ERC2: variants seen among roughly 807,000 people sequenced by gnomAD.
ERC2 encodes the protein ERC protein 2.
ERC2 carries 42 observed loss-of-function variants against 114.8 expected under a neutral mutation model. The observed-to-expected ratio is 0.37, with a 90% confidence interval of 0.29 to 0.47. The LOEUF (loss-of-function observed/expected upper bound fraction) is 0.47. ERC2 is among the 20% of genes least tolerant of loss of function. ERC2 has a pLI of 0.99. For missense variants in ERC2, 939 were observed against 1,150.7 expected, an observed-to-expected ratio of 0.82 and a Z score of 2.66; for synonymous variants, 454 against 425.5, an observed-to-expected ratio of 1.07 and a Z score of -0.82.
At chr3:56,145,082 G>A (rs1044392302) in intron 5 of ERC2, among the ~76,000 whole-genome samples, 12 of 152,096 alleles carry the variant, frequency 7.9e-5, no homozygotes, top group African/African-American at 2.9e-4. Flanking sequence ...CCCCACTTAC[G>A]TCTGTGACAC....
At chr3:55,696,780 C>T (rs1222350744) in intron 16 of ERC2, among the ~76,000 whole-genome samples, 2 of 152,132 alleles carry the variant, frequency 1.3e-5, no homozygotes, top group Admixed American at 1.3e-4. Context: ...ACCTGGGATG[C>T]CCAGTCAAAA....
intron 2 of ERC2, among the ~76,000 whole-genome samples, chr3:56,374,908 C>A (rs959089834): frequency 6.6e-5 from 10 of 152,074 alleles, no homozygotes; most frequent in African/African-American, 2.4e-4. Flanking sequence ...TGAATACTGC[C>A]AGTTTCAATG....
intron 13 of ERC2, among the ~76,000 whole-genome samples, chr3:55,938,720 G>C (rs1472442344): frequency 2.0e-5 from 3 of 152,140 alleles, no homozygotes; most frequent in African/African-American, 7.2e-5. Flanking sequence ...ATAAAAACAA[G>C]TCTGCTGGTA....
At chr3:56,311,512 G>A (rs964221886) in intron 2 of ERC2, among the ~76,000 whole-genome samples, 4 of 151,248 alleles carry the variant, frequency 2.6e-5, no homozygotes, top group African/African-American at 4.9e-5. Context: ...TGTTAGCCAC[G>A]GTGGTCTCAA....
chr3:55,750,411 G>A (rs992768224), intron 14 of ERC2, among the ~76,000 whole-genome samples: 1 of 152,148 alleles, frequency 6.6e-6, no homozygotes, highest in East Asian at 1.9e-4. Context: ...GTTGTCCAAG[G>A]TCCCATTGCT....
chr3:55,740,518 T>C (rs1036139023), intron 14 of ERC2, among the ~76,000 whole-genome samples: 3 of 151,280 alleles, frequency 2.0e-5, no homozygotes, highest in African/African-American at 7.3e-5. Context: ...ATACCTTGAT[T>C]GAGATCTACA....
chr3:56,067,320 C>T (rs753165815), intron 7 of ERC2, among the ~76,000 whole-genome samples: 7 of 151,984 alleles, frequency 4.6e-5, no homozygotes, highest in Non-Finnish European at 7.4e-5. Context: ...GTAGCAATTG[C>T]GAATGGAAGT....
chr3:56,379,130 C>T (rs1449245212), intron 2 of ERC2, among the ~76,000 whole-genome samples: 2 of 152,078 alleles, frequency 1.3e-5, no homozygotes, highest in African/African-American at 2.4e-5. Context: ...ATACTTAAAG[C>T]GGTCAATTCA....
chr3:55,815,784 T>C (rs769348699), intron 14 of ERC2, among the ~76,000 whole-genome samples: 5 of 152,126 alleles, frequency 3.3e-5, no homozygotes, highest in Non-Finnish European at 5.9e-5. Context: ...AAGACTTCAA[T>C]TGGAAAGTTG....
chr3:56,036,532 G>A (rs2074814114), intron 7 of ERC2, among the ~76,000 whole-genome samples: 3 of 152,276 alleles, frequency 2.0e-5, no homozygotes, highest in Non-Finnish European at 2.9e-5. Context: ...CAGGAAGAAC[G>A]AAAACGGCAA....
chr3:56,311,857 G>A (rs866179145), intron 2 of ERC2, among the ~76,000 whole-genome samples: 2 of 135,812 alleles, frequency 1.5e-5, no homozygotes, highest in Non-Finnish European at 1.6e-5. Flanking sequence ...GTGTGTGTGT[G>A]TATAAAATTA....
intron 13 of ERC2, among the ~76,000 whole-genome samples, chr3:55,896,583 A>G (rs1021349925): frequency 6.6e-6 from 1 of 152,238 alleles, no homozygotes; most frequent in African/African-American, 2.4e-5. Flanking sequence ...GTTTTAGAAA[A>G]GGTGTTTAAT....
chr3:56,073,276 C>T (rs2076823484), intron 7 of ERC2, among the ~76,000 whole-genome samples: 1 of 152,132 alleles, frequency 6.6e-6, no homozygotes. Context: ...GATCCTTACA[C>T]AAGAAGGAAA....
Position 56,019,040 on chromosome 3 carries a change from A to T in ERC2, c.1642-9T>A, listed in dbSNP as rs759839479. The T allele has an allele frequency of 8.1e-6, 13 of 1,596,058 alleles. No homozygotes were observed. The highest frequency in any genetic ancestry group is 4.3e-6 in the Non-Finnish European group (5 of 1,170,280). ...TCTTGCAAGTTTTCAATCTAAAAATAAAAATCAATATTTTAATGCATATTT... is the reference window on the plus strand; with the variant it reads ...TCTTGCAAGTTTTCAATCTAAAAATTAAAATCAATATTTTAATGCATATTT... On this transcript the variant is annotated splice_polypyrimidine_tract_variant and intron_variant, in intron 7 of 17. Coordinates refer to ENST00000288221, the MANE Select transcript of ERC2 (RefSeq NM_015576.3).
At chr3:56,142,095 A>G (rs2080888648) in intron 5 of ERC2, among the ~76,000 whole-genome samples, 1 of 152,154 alleles carries the variant, frequency 6.6e-6, no homozygotes. Context: ...ATTACTTACT[A>G]ATCCACTTTT....
intron 14 of ERC2, among the ~76,000 whole-genome samples, chr3:55,776,888 G>T (rs1028799366): frequency 6.6e-6 from 1 of 152,128 alleles, no homozygotes; most frequent in Non-Finnish European, 1.5e-5. Context: ...ATTAGTATTC[G>T]TTGTAGTTTT....
chr3:56,088,532 G>A (rs915084763), intron 6 of ERC2, among the ~76,000 whole-genome samples: 4 of 152,042 alleles, frequency 2.6e-5, no homozygotes, highest in Non-Finnish European at 5.9e-5. Flanking sequence ...CCTTGGGGGA[G>A]TAGACACGGG....
intron 6 of ERC2, among the ~76,000 whole-genome samples, chr3:56,100,777 T>C (rs2078309118): frequency 6.6e-6 from 1 of 152,220 alleles, no homozygotes; most frequent in South Asian, 2.1e-4. Context: ...CACCACTAGT[T>C]AGTTGCATTA....
At chr3:55,610,538 CACACACACACAA>C (rs1401948158) in intron 17 of ERC2, 1 of 153,360 alleles carries the variant, frequency 6.5e-6, no homozygotes, top group Non-Finnish European at 1.4e-5. Context: ...CACACACACA[CACACACACACAA>C]AGTAGCCAGG....
Sources: allele counts gnomAD v4.1 joint callset (sites outside exome capture counted in the v4.1 genomes callset), GRCh38; gene constraint gnomAD v4.1.1; transcripts MANE v1.5; gene names NCBI Gene and HGNC (gene_info 2026-07-23, HGNC 2026-07-21).